SLC35F3: variants seen among roughly 807,000 people sequenced by gnomAD.
The protein encoded by SLC35F3 is putative thiamine transporter SLC35F3.
Under a neutral mutation model 49.9 loss-of-function variants are expected in SLC35F3, and 25 were observed. The observed-to-expected ratio is 0.50, with a 90% CI of 0.37 to 0.70. SLC35F3 has a LOEUF of 0.70. Ranked by LOEUF, SLC35F3 falls within the 30% of genes least tolerant of loss-of-function variation. The pLI, the probability that SLC35F3 is intolerant of heterozygous loss-of-function variation, is 0.00. For missense variants in SLC35F3, 525 were observed against 639.8 expected (o/e 0.82, Z 1.94); for synonymous variants, 275 against 265.4 (o/e 1.04, Z -0.35).
intron 2 of SLC35F3, among the ~76,000 whole-genome samples, chr1:234,224,023 C>G (rs572361663): frequency 1.6e-4 from 24 of 151,812 alleles, no homozygotes; most frequent in African/African-American, 5.3e-4. Flanking sequence ...GAATTCCATC[C>G]TTATGACCTC....
chr1:234,023,575 T>A (rs142223498), intron 2 of SLC35F3, among the ~76,000 whole-genome samples: 35 of 152,208 alleles, frequency 2.3e-4, no homozygotes, highest in African/African-American at 7.7e-4. Context: ...GACACTCCAC[T>A]CTCAAGGAAG....
intron 2 of SLC35F3, among the ~76,000 whole-genome samples, chr1:234,118,819 T>C (rs942728615): frequency 1.3e-5 from 2 of 152,124 alleles, no homozygotes; most frequent in Non-Finnish European, 1.5e-5. Context: ...AAAGGTCCAT[T>C]TAATCTATTC....
At position 233,904,965 on chromosome 1, in the gene SLC35F3, C is replaced by A. The variant is rs777715666; in HGVS notation, c.-113C>A. On this transcript the variant is annotated 5_prime_UTR_variant, in exon 1 of 8. Coordinates refer to ENST00000366618, the MANE Select transcript of SLC35F3 (RefSeq NM_173508.4). ...CCCGGGGCGGCCGGCGCGGCGCAGACCCTCGGTGGGCAGCGCACTCCAGTC... is the reference window on the plus strand; with the variant it reads ...CCCGGGGCGGCCGGCGCGGCGCAGAACCTCGGTGGGCAGCGCACTCCAGTC... The A allele has an allele frequency of 2.4e-6, 3 of 1,252,350 alleles. No individual in the cohort carries two copies. Among genetic ancestry groups the A allele is most frequent in the African/African-American group, 1.6e-5 (1 of 63,766 alleles). 77.6% of individuals were successfully genotyped at this position (1,252,350 alleles called of 1,614,324 possible). A position where few individuals can be genotyped will look rare whatever the true frequency, so the allele number is the denominator to read the frequency against.
At chr1:234,081,832 G>A (rs1664880621) in intron 2 of SLC35F3, among the ~76,000 whole-genome samples, 1 of 149,890 alleles carries the variant, frequency 6.7e-6, no homozygotes, top group Non-Finnish European at 1.5e-5. Context: ...CCGCCTCCCA[G>A]GTTCATGCCA....
At chr1:233,923,906 T>C (rs914080910) in intron 2 of SLC35F3, among the ~76,000 whole-genome samples, 7 of 152,192 alleles carry the variant, frequency 4.6e-5, no homozygotes, top group African/African-American at 1.7e-4. Context: ...GATAATCATG[T>C]GGTTTTTGTC....
At chr1:234,061,767 G>T (rs1242278195) in intron 2 of SLC35F3, among the ~76,000 whole-genome samples, 1 of 151,742 alleles carries the variant, frequency 6.6e-6, no homozygotes, top group African/African-American at 2.4e-5. Context: ...TTTTCTTTTA[G>T]TTGTTATACT....
At chr1:234,105,839 A>G (rs1665276971) in intron 2 of SLC35F3, among the ~76,000 whole-genome samples, 1 of 152,222 alleles carries the variant, frequency 6.6e-6, no homozygotes, top group African/African-American at 2.4e-5. Context: ...TTACCCAGCT[A>G]ATAAAACGTA....
chr1:234,011,798 A>G (rs1663724482), intron 2 of SLC35F3, among the ~76,000 whole-genome samples: 1 of 152,226 alleles, frequency 6.6e-6, no homozygotes, highest in South Asian at 2.1e-4. Context: ...TGTACACCCA[A>G]CATTGGAGCA....
intron 2 of SLC35F3, among the ~76,000 whole-genome samples, chr1:233,966,169 A>T (rs1266563585): frequency 6.6e-6 from 1 of 152,232 alleles, no homozygotes; most frequent in African/African-American, 2.4e-5. Flanking sequence ...AAAAGCTTAC[A>T]TTTGGGAAGA....
At chr1:234,264,129 C>T in intron 3 of SLC35F3, among the ~76,000 whole-genome samples, 1 of 152,070 alleles carries the variant, frequency 6.6e-6, no homozygotes, top group East Asian at 1.9e-4. Flanking sequence ...ACAAAAAATG[C>T]CATAAATTGG....
intron 2 of SLC35F3, among the ~76,000 whole-genome samples, chr1:234,089,109 G>A (rs140281713): frequency 4.0e-4 from 61 of 152,188 alleles, no homozygotes; most frequent in African/African-American, 1.3e-3. Context: ...GGTGTTCCAC[G>A]AGGCAGTGTT....
chr1:234,138,993 A>T (rs949381915), intron 2 of SLC35F3, among the ~76,000 whole-genome samples: 52 of 152,190 alleles, frequency 3.4e-4, no homozygotes, highest in African/African-American at 1.0e-3. Flanking sequence ...TGTTGTGAGG[A>T]TTAAAGAGTT....
At chr1:234,054,977 A>G (rs1664433726) in intron 2 of SLC35F3, among the ~76,000 whole-genome samples, 1 of 152,170 alleles carries the variant, frequency 6.6e-6, no homozygotes, top group African/African-American at 2.4e-5. Context: ...CAGAACGGCA[A>G]ATGTTGCTAC....
At chr1:233,948,894 C>G (rs1662560185) in intron 2 of SLC35F3, among the ~76,000 whole-genome samples, 1 of 152,100 alleles carries the variant, frequency 6.6e-6, no homozygotes, top group Non-Finnish European at 1.5e-5. Flanking sequence ...TCAAACAAGC[C>G]TGGCACAAGC....
chr1:234,305,860 A>G (rs1356268682), intron 3 of SLC35F3, among the ~76,000 whole-genome samples: 1 of 152,204 alleles, frequency 6.6e-6, no homozygotes, highest in African/African-American at 2.4e-5. Context: ...AATACATCTA[A>G]TCTTTGTATG....
rs1015990011 is a variant in SLC35F3, at chr1:234,205,062, G to A, written c.284-26355G>A. ...CAACAAATATGTGAAAAACAAGGGA[G>A]AAAGAGCCACCCTCAGTGCTTGTTG... is the stretch of plus-strand genomic sequence containing the variant. On this transcript the variant is annotated intron_variant, in intron 2 of 7. Coordinates refer to ENST00000366618, the MANE Select transcript of SLC35F3 (RefSeq NM_173508.4). 5.3e-5 allele frequency among the ~76,000 whole-genome samples: 8 copies of A among 152,242 alleles called. No homozygotes were observed. The South Asian group carries it at 1.2e-3, about 24-fold the overall frequency.
Position 234,188,630 on chromosome 1 carries a change from C to A in SLC35F3, c.284-42787C>A, listed in dbSNP as rs2102927635. Among the ~76,000 whole-genome samples the A allele has an allele frequency of 1.3e-5, 2 of 152,282 alleles. 1 individual carries two copies. Among genetic ancestry groups the A allele is most frequent in the African/African-American group, 4.8e-5 (2 of 41,580 alleles). On this transcript the variant is annotated intron_variant, in intron 2 of 7. Coordinates refer to ENST00000366618, the MANE Select transcript of SLC35F3 (RefSeq NM_173508.4). ...CCCTACTCACCCTGGTAGCTGAAAACAAAGGGCATATTCTCTTGGGAGTTC... is the reference window on the plus strand; with the variant it reads ...CCCTACTCACCCTGGTAGCTGAAAAAAAAGGGCATATTCTCTTGGGAGTTC...
intron 2 of SLC35F3, among the ~76,000 whole-genome samples, chr1:234,073,341 G>A (rs10797524): frequency 0.75 from 113,333 of 151,960 alleles, 43,110 homozygotes; most frequent in East Asian, 0.93. Context: ...AGATGGGATC[G>A]CACTGTGTTA....
intron 2 of SLC35F3, among the ~76,000 whole-genome samples, chr1:234,204,509 T>G (rs1051802273): frequency 1.3e-5 from 2 of 152,150 alleles, no homozygotes; most frequent in African/African-American, 4.8e-5. Context: ...GCCCTAAAGC[T>G]TCACCTCAGA....
Sources: allele counts gnomAD v4.1 joint callset (sites outside exome capture counted in the v4.1 genomes callset), GRCh38; gene constraint gnomAD v4.1.1; transcripts MANE v1.5; gene names NCBI Gene and HGNC (gene_info 2026-07-23, HGNC 2026-07-21).